DBH: variants seen among roughly 807,000 people sequenced by gnomAD.
The protein encoded by DBH is dopamine beta-hydroxylase (dopamine beta-monooxygenase).
Under a neutral mutation model 64.0 loss-of-function variants are expected in DBH, and 49 were observed. The observed-to-expected ratio is 0.77, with a 90% CI of 0.61 to 0.97. The LOEUF (loss-of-function observed/expected upper bound fraction) is 0.97. Ranked by LOEUF, DBH falls within the 50% of genes least tolerant of loss-of-function variation. The pLI is 0.00. For missense variants in DBH, 828 were observed against 826.6 expected (o/e 1.00, Z -0.02); for synonymous variants, 343 against 347.1 (o/e 0.99, Z 0.13).
At chr9:133,638,662 G>A (rs1174968711) in intron 1 of DBH, among the ~76,000 whole-genome samples, 1 of 152,182 alleles carries the variant, frequency 6.6e-6, no homozygotes, top group East Asian at 1.9e-4. Flanking sequence ...GGCTTGGTGT[G>A]GGTCGGAATG....
At chr9:133,657,424 GGAGAGAGAGGA>G (rs373924065) in intron 11 of DBH, 195 bp downstream of exon 11, 17,341 of 452,460 alleles carry the variant, frequency 0.038, 974 homozygotes, top group Admixed American at 0.076. Flanking sequence ...AGGAGAGAGA[GGAGAGAGAGGA>G]GAGAGAGGAG....
chr9:133,643,416 G>A lies in DBH; in HGVS notation c.748G>A (p.Glu250Lys), dbSNP rs5323. 5 of 1,613,712 alleles carry A rather than the reference G, an allele frequency of 3.1e-6. No homozygotes were observed. The highest frequency in any genetic ancestry group is 4.5e-5 in the East Asian group (2 of 44,852). ...TCAGAGGGCTGCCTCCTCACAGTAC[G>A]AGCCCATCGTCACCAAGGGCAATGA... is the stretch of plus-strand genomic sequence containing the variant. ...GFSRHHIIKY[E>K]PIVTKGNEAL... The change falls in exon 4 of 12, where the codon GAG (glutamate) becomes AAG (lysine). Residue 250 changes from glutamate (E) to lysine (K), a missense_variant. Transcript: ENST00000393056. The surrounding 1 kb of genome is among the most constrained non-coding windows in gnomAD (Gnocchi z 5.3).
rs759567476 is a variant in DBH, at chr9:133,643,630, G to A, written c.921+41G>A. On this transcript the variant is annotated intron_variant, in intron 4 of 11. Coordinates refer to ENST00000393056, the MANE Select transcript of DBH (RefSeq NM_000787.4). This position sits in a 1 kb window ranked among gnomAD's most constrained non-coding sequence, Gnocchi z 5.3. Reference sequence around the variant, plus strand: ...CCCCAGCATGGTGTCTCCTGCCTGGGCCCCTGGCATCCCCACACCTCTGTT... The same window carrying A: ...CCCCAGCATGGTGTCTCCTGCCTGGACCCCTGGCATCCCCACACCTCTGTT... 2.3e-5 allele frequency: 37 copies of A among 1,607,768 alleles called. No homozygotes were observed. The highest frequency in any genetic ancestry group is 3.0e-5 in the Non-Finnish European group (35 of 1,176,854).
chr9:133,638,417 A>G (rs1832076905), intron 1 of DBH, among the ~76,000 whole-genome samples: 1 of 152,232 alleles, frequency 6.6e-6, no homozygotes, highest in South Asian at 2.1e-4. Flanking sequence ...TGAATGTAAG[A>G]TTAAAAAGAA....
At chr9:133,653,206 C>T (rs1302612865) in intron 9 of DBH, among the ~76,000 whole-genome samples, 1 of 152,154 alleles carries the variant, frequency 6.6e-6, no homozygotes, top group African/African-American at 2.4e-5. Context: ...ACCCCAGGCC[C>T]ACTGAGTCAG....
In DBH at chr9:133,647,985, C is replaced by T. The variant is rs374568498; in HGVS notation, c.1164C>T (p.Gly388=). The part of the protein sequence containing the change: ...PPRETAFILT[G]YCTDKCTQLA... ...GGGAGACCGCCTTCATCCTCACTGG[C>T]TACTGCACGGACAAGTGCACCCAGC... The change falls in exon 6 of 12, where the codon GGC becomes GGT. Residue 388 remains glycine (G), a synonymous_variant. Transcript: ENST00000393056. 20 of 1,613,446 alleles carry T rather than the reference C, an allele frequency of 1.2e-5. No individual in the cohort carries two copies. In the African/African-American group the frequency reaches 2.5e-4, roughly 20 times the overall value.
At chr9:133,647,768 T>C (rs938827239) in intron 5 of DBH, 78 bp from the exon 6 acceptor site, 4 of 1,573,806 alleles carry the variant, frequency 2.5e-6, no homozygotes, top group Middle Eastern at 1.7e-4. Context: ...GCTGGGGTCA[T>C]AGGGATAATC....
At chr9:133,642,167 C>A (rs887214426) in intron 2 of DBH, 40 bp from the exon 3 acceptor site, 9 of 1,609,070 alleles carry the variant, frequency 5.6e-6, no homozygotes, top group East Asian at 2.2e-5. Context: ...ACTCTGGGGG[C>A]TCTGAGAGGG....
intron 11 of DBH, 109 bp downstream of exon 11, chr9:133,657,338 C>G: frequency 7.3e-7 from 1 of 1,369,992 alleles, no homozygotes; most frequent in Non-Finnish European, 1.0e-6. Context: ...AGCACTCGCA[C>G]AAGACAATGA....
intron 5 of DBH, among the ~76,000 whole-genome samples, chr9:133,644,761 G>A (rs1383152227): frequency 6.6e-6 from 1 of 152,206 alleles, no homozygotes; most frequent in East Asian, 1.9e-4. Flanking sequence ...TGGCCAGAGT[G>A]CAGGGACGGG....
rs749887039 is a variant in DBH, at chr9:133,640,007, C to T, written c.486+15C>T. ...ACCTCATTGAAGTAAGGGGTGGCCG[C>T]GAGTACCCAGGAGGGCGTGGGCTGC... On this transcript the variant is annotated intron_variant, in intron 2 of 11. Transcript: ENST00000393056. The T allele has an allele frequency of 2.2e-5, 35 of 1,613,628 alleles. No homozygotes were observed. The highest frequency in any genetic ancestry group is 5.3e-5 in the African/African-American group (4 of 74,940).
chr9:133,658,484 C>A lies in DBH; in HGVS notation c.*37C>A. On this transcript the variant is annotated 3_prime_UTR_variant, in exon 12 of 12. Transcript: ENST00000393056. ...CTCCTCCCCCTCCTCCATGCTGTCC[C>A]TGTGGGCTCACACCGGCACTGTGCA... 6.3e-7 allele frequency: 1 copy of A among 1,576,906 alleles called. No individual in the cohort carries two copies. The highest frequency in any genetic ancestry group is 2.3e-5 in the East Asian group (1 of 44,084).
chr9:133,657,442 G>T (rs927514781), intron 11 of DBH: 1 of 506,896 alleles, frequency 2.0e-6, no homozygotes, highest in Non-Finnish European at 3.5e-6. Flanking sequence ...AGGAGAGAGA[G>T]GAGAGAGAGG....
In DBH at chr9:133,652,951, C is replaced by T. The variant is rs1044818151; in HGVS notation, c.1386C>T (p.Leu462=). ...TGGCTTTTCCTCAGGGAGATGTGCT[C>T]ATCACCTCCTGCACGTACAACACAG... ...KVVSVHPGDV[L]ITSCTYNTED... is the part of the protein sequence containing the mutation. Residue 462 remains leucine, a synonymous_variant, in exon 9 of 12, where the codon CTC becomes CTT. Transcript: ENST00000393056. 6.2e-7 allele frequency: 1 copy of T among 1,613,420 alleles called. No homozygotes were observed. The highest frequency in any genetic ancestry group is 8.5e-7 in the Non-Finnish European group (1 of 1,179,742).
At chr9:133,657,398 CAG>C (rs1201435779) in intron 11 of DBH, 169 bp downstream of exon 11, 3 of 517,872 alleles carry the variant, frequency 5.8e-6, no homozygotes, top group Non-Finnish European at 6.7e-6. Context: ...AGCCAGCCAG[CAG>C]AGAGAGAGGA....
chr9:133,647,739 T>TA, intron 5 of DBH, 107 bp from the exon 6 acceptor site: 1 of 1,397,920 alleles, frequency 7.2e-7, no homozygotes, highest in Non-Finnish European at 9.9e-7. Flanking sequence ...TGACCGGCCC[T>TA]GCCTCCTGGC....
intron 11 of DBH, 54 bp downstream of exon 11, chr9:133,657,283 GC>G: frequency 1.2e-6 from 2 of 1,607,124 alleles, no homozygotes. Context: ...CTCATGGGGG[GC>G]CCCAGTGAGG....
chr9:133,652,238 T>G lies in DBH; in HGVS notation c.1336-8T>G. On this transcript the variant is annotated splice_polypyrimidine_tract_variant and splice_region_variant and intron_variant, in intron 7 of 11. Transcript: ENST00000393056. The stretch of plus-strand genomic sequence containing the variant: ...CTCTCCCCCACCCCTCGGCTCTGCC[T>G]GCCCCAGGAGATCCGCATGTTGAAG... The G allele has an allele frequency of 6.2e-7, 1 of 1,613,840 alleles. No homozygotes were observed. Among genetic ancestry groups the G allele is most frequent in the Non-Finnish European group, 8.5e-7 (1 of 1,180,008 alleles).
chr9:133,639,731 C>A, intron 1 of DBH, 115 bp from the exon 2 acceptor site: 5 of 1,166,346 alleles, frequency 4.3e-6, no homozygotes, highest in Non-Finnish European at 6.2e-6. Flanking sequence ...TGAGGCCCAG[C>A]ATCCCCAGAT....
Sources: gnomAD v4.1 joint callset for allele counts (sites outside exome capture counted in the v4.1 genomes callset) on GRCh38, gnomAD v4.1.1 for gene constraint, Gnocchi (gnomAD v3.1) non-coding constraint, MANE v1.5 for transcripts, NCBI Gene and HGNC (gene_info 2026-07-23, HGNC 2026-07-21) for gene names.